Variants in TTC21B observed in about 807,000 individuals in gnomAD.
TTC21B encodes the protein tetratricopeptide repeat domain 21B.
TTC21B carries 127 observed loss-of-function variants against 175.1 expected under a neutral mutation model. The ratio of observed to expected loss-of-function variants is 0.73; its 90% confidence interval spans 0.63 to 0.84. The LOEUF is 0.84. Among genes scored for constraint, TTC21B ranks in the 40% least tolerant of loss-of-function variants. TTC21B has a pLI of 0.00. For synonymous variants in TTC21B, 524 were observed against 524.5 expected, an observed-to-expected ratio of 1.00 and a Z score of 0.01; for missense variants, 1,561 against 1,558.3, an observed-to-expected ratio of 1.00 and a Z score of -0.03.
At chr2:165,934,433 C>T (rs1394379701) in intron 6 of TTC21B, among the ~76,000 whole-genome samples, 1 of 134,818 alleles carries the variant, frequency 7.4e-6, no homozygotes, top group Non-Finnish European at 1.5e-5. Context: ...ACCCGGGAGG[C>T]GGAGGTTGCA....
In TTC21B at chr2:165,929,682, T is replaced by G. The variant is rs1446674501; in HGVS notation, c.1153A>C (p.Asn385His). 1 of 1,612,610 alleles carries G rather than the reference T, an allele frequency of 6.2e-7. No homozygotes were observed. The highest frequency in any genetic ancestry group is 8.5e-7 in the Non-Finnish European group (1 of 1,179,130). ...QDADQQLEFL[N>H]EIQQSIGKSA... ...TTTCCAATGGATTGCTGGATTTCATTTAAAAATTCTAGCTGCTGATCTGCA... is the reference window on the plus strand; with the variant it reads ...TTTCCAATGGATTGCTGGATTTCATGTAAAAATTCTAGCTGCTGATCTGCA... The change falls in exon 10 of 29, where the codon AAT (asparagine) becomes CAT (histidine). Residue 385 changes from asparagine to histidine, a missense_variant. Coordinates refer to ENST00000243344, the MANE Select transcript of TTC21B (RefSeq NM_024753.5).
At chr2:165,910,674 GAAT>G (rs985421763) in intron 18 of TTC21B, among the ~76,000 whole-genome samples, 1 of 151,970 alleles carries the variant, frequency 6.6e-6, no homozygotes, top group African/African-American at 2.4e-5. Context: ...CCTGTAGATA[GAAT>G]AATATGAATA....
In TTC21B at chr2:165,953,755, C is replaced by T; in HGVS notation, c.-50G>A. 1 of 1,546,794 alleles carries T rather than the reference C, an allele frequency of 6.5e-7. No individual in the cohort carries two copies. Among genetic ancestry groups the T allele is most frequent in the Non-Finnish European group, 8.7e-7 (1 of 1,145,460 alleles). ...GGCTCTGGGGATTGTCTCGCCGCAG[C>T]CTAAAGGAAGACGCAGAATTCAGCT... On this transcript the variant is annotated 5_prime_UTR_variant, in exon 1 of 29. Coordinates refer to ENST00000243344, the MANE Select transcript of TTC21B (RefSeq NM_024753.5).
At chr2:165,911,280 T>C (rs1685922170) in intron 18 of TTC21B, 47 bp downstream of exon 18, 2 of 1,608,752 alleles carry the variant, frequency 1.2e-6, no homozygotes, top group Non-Finnish European at 1.7e-6. Flanking sequence ...AAAAATAAAA[T>C]GGATCAGAGT....
At chr2:165,931,889 T>C (rs745591806) in intron 7 of TTC21B, 33 bp from the exon 8 acceptor site, 78 of 1,439,202 alleles carry the variant, frequency 5.4e-5, no homozygotes, top group Non-Finnish European at 7.4e-5. Context: ...TAACTTAAAA[T>C]ATACTAAGTA....
Position 165,943,203 on chromosome 2 carries a change from C to A in TTC21B, c.552+16G>T. On this transcript the variant is annotated intron_variant, in intron 5 of 28. Transcript: ENST00000243344. ...ATATTTTGAAACATGATTTATTTAC[C>A]CTAACTCCAACTCACCTTACCCAGC... 1 of 1,612,928 alleles carries A rather than the reference C, an allele frequency of 6.2e-7. No homozygotes were observed. Among genetic ancestry groups the A allele is most frequent in the Non-Finnish European group, 8.5e-7 (1 of 1,179,264 alleles).
At chr2:165,886,496 TAAAAG>T (rs1009418362) in intron 25 of TTC21B, among the ~76,000 whole-genome samples, 3 of 152,100 alleles carry the variant, frequency 2.0e-5, no homozygotes, top group African/African-American at 7.2e-5. Flanking sequence ...GCCTAGGAGT[TAAAAG>T]AAAAAAAAGT....
chr2:165,879,637 C>T (rs1246432016), intron 27 of TTC21B: 1 of 152,048 alleles, frequency 6.6e-6, no homozygotes, highest in Non-Finnish European at 1.5e-5. Context: ...TATAAGAAGC[C>T]AAATCATATT....
chr2:165,878,664 A>G (rs1364392349), intron 27 of TTC21B, among the ~76,000 whole-genome samples: 1 of 151,286 alleles, frequency 6.6e-6, no homozygotes, highest in Non-Finnish European at 1.5e-5. Flanking sequence ...AATTCTATGG[A>G]AAGAGCATGA....
chr2:165,876,090 A>T, intron 28 of TTC21B, 75 bp downstream of exon 28: 1 of 857,978 alleles, frequency 1.2e-6, no homozygotes, highest in South Asian at 1.3e-5. Context: ...TTCTATTCAC[A>T]TACATCTGGA....
At chr2:165,934,665 A>G (rs1419092267) in intron 6 of TTC21B, 1 of 152,018 alleles carries the variant, frequency 6.6e-6, no homozygotes, top group Non-Finnish European at 1.5e-5. Context: ...AGCTTTTAGC[A>G]TATGAAAAAT....
chr2:165,876,743 C>A (rs1684676497), intron 27 of TTC21B, among the ~76,000 whole-genome samples: 1 of 152,062 alleles, frequency 6.6e-6, no homozygotes, highest in Non-Finnish European at 1.5e-5. Context: ...AAGATCCAGG[C>A]CAAGTGAGTT....
chr2:165,926,902 G>C (rs1686648884), intron 11 of TTC21B, among the ~76,000 whole-genome samples: 1 of 149,248 alleles, frequency 6.7e-6, no homozygotes, highest in Non-Finnish European at 1.5e-5. Context: ...TCGGCTTACA[G>C]ACAGCCTATT....
chr2:165,899,865 C>A lies in TTC21B; in HGVS notation c.2773G>T (p.Ala925Ser). The stretch of plus-strand genomic sequence containing the variant: ...TCATCTTGTGCCAGGTATAATCGTG[C>A]CAGTTCCAACATAATCTGTAGAGCA... ...ETDNKIMLEL[A>S]RLYLAQDDPD... Residue 925 changes from alanine to serine, a missense_variant, in exon 21 of 29, where the codon GCA (alanine) becomes TCA (serine). Coordinates refer to ENST00000243344, the MANE Select transcript of TTC21B (RefSeq NM_024753.5). The A allele has an allele frequency of 6.2e-7, 1 of 1,611,426 alleles. No individual in the cohort carries two copies. The highest frequency in any genetic ancestry group is 8.5e-7 in the Non-Finnish European group (1 of 1,177,622).
chr2:165,942,379 C>T (rs1167009846), intron 5 of TTC21B, among the ~76,000 whole-genome samples: 1 of 152,106 alleles, frequency 6.6e-6, no homozygotes, highest in African/African-American at 2.4e-5. Context: ...TATTTCCATC[C>T]ATCAGTAAGT....
At position 165,883,933 on chromosome 2, in the gene TTC21B, C is replaced by A; in HGVS notation, c.3545G>T (p.Arg1182Leu). ...AGCATTCCAATTCATTTTCGCAATA[C>A]GCTTCAGCTGGTTTCTGGCTCGTGG... The part of the protein sequence containing the change: ...QTPRARNQLK[R>L]IAKMNWNAID... Residue 1182 changes from arginine to leucine, a missense_variant, in exon 26 of 29, where the codon CGT (arginine) becomes CTT (leucine). Transcript: ENST00000243344. The A allele has an allele frequency of 1.2e-6, 2 of 1,614,082 alleles. No individual in the cohort carries two copies. The highest frequency in any genetic ancestry group is 8.5e-7 in the Non-Finnish European group (1 of 1,179,982).
At chr2:165,897,273 G>A (rs957569746) in intron 22 of TTC21B, among the ~76,000 whole-genome samples, 3 of 152,166 alleles carry the variant, frequency 2.0e-5, no homozygotes, top group African/African-American at 4.8e-5. Flanking sequence ...TTATGACGAC[G>A]CTGCAATAAT....
In TTC21B at chr2:165,949,480, T is replaced by C; in HGVS notation, c.176A>G (p.Glu59Gly). ...TTGTTTATTTTTAATAGCCTCAAAT[T>C]CTCGAAGAGCTTCTTGAGTTTTACC... Reference protein sequence around the residue: ...MEGKTQEALREFEAIKNKQDV... With the variant: ...MEGKTQEALRGFEAIKNKQDV... The change falls in exon 3 of 29, where the codon GAA becomes GGA. Residue 59 changes from glutamate to glycine, a missense_variant. Coordinates refer to ENST00000243344, the MANE Select transcript of TTC21B (RefSeq NM_024753.5). 2 of 1,613,838 alleles carry C rather than the reference T, an allele frequency of 1.2e-6. No individual in the cohort carries two copies. Among genetic ancestry groups the C allele is most frequent in the Non-Finnish European group, 1.7e-6 (2 of 1,179,850 alleles).
chr2:165,884,057 A>G, intron 25 of TTC21B, 39 bp from the exon 26 acceptor site: 2 of 1,530,970 alleles, frequency 1.3e-6, no homozygotes, highest in Non-Finnish European at 1.8e-6. Context: ...AGATGCATAA[A>G]CATAAATGCC....
Sources: allele counts gnomAD v4.1 joint callset (sites outside exome capture counted in the v4.1 genomes callset), GRCh38; gene constraint gnomAD v4.1.1; transcripts MANE v1.5; gene names NCBI Gene and HGNC (gene_info 2026-07-23, HGNC 2026-07-21).